The following MYRIP variants were observed in gnomAD, a reference collection of about 807,000 sequenced individuals.
The protein encoded by MYRIP is rab effector MyRIP.
MYRIP carries 49 observed loss-of-function variants against 98.0 expected under a neutral mutation model. The observed-to-expected ratio is 0.50, with a 90% CI of 0.40 to 0.63. The LOEUF (loss-of-function observed/expected upper bound fraction) is 0.63. Among genes scored for constraint, MYRIP ranks in the 30% least tolerant of loss-of-function variants. The probability of loss-of-function intolerance (pLI) is 0.00; values close to 1 mark genes in which losing one functional copy is unlikely to be tolerated. For synonymous variants in MYRIP, 404 were observed against 409.5 expected (o/e 0.99, Z 0.16); for missense variants, 1,004 against 1,058.2 (o/e 0.95, Z 0.71).
At chr3:40,184,490 A>G (rs1357773430) in intron 9 of MYRIP, among the ~76,000 whole-genome samples, 1 of 152,202 alleles carries the variant, frequency 6.6e-6, no homozygotes, top group Non-Finnish European at 1.5e-5. Context: ...TGACTTGTTC[A>G]AGACCCCACA....
At chr3:40,256,535 A>C (rs990316306) in intron 16 of MYRIP, among the ~76,000 whole-genome samples, 14 of 152,156 alleles carry the variant, frequency 9.2e-5, no homozygotes, top group Admixed American at 1.3e-4. Flanking sequence ...GTTATTTGAA[A>C]AAAAAAATAT....
At position 40,188,086 on chromosome 3, in the gene MYRIP, C is replaced by T. The variant is rs1220668085; in HGVS notation, c.1028-1740C>T. On this transcript the variant is annotated intron_variant, in intron 9 of 16. Coordinates refer to ENST00000302541, the MANE Select transcript of MYRIP (RefSeq NM_015460.4). ...CCTGACTCTCAAAATAAAAATAACTCGATGTCCTGCCAGTCTGAGCTGCAG... is the reference window on the plus strand; with the variant it reads ...CCTGACTCTCAAAATAAAAATAACTTGATGTCCTGCCAGTCTGAGCTGCAG... 3.9e-5 allele frequency among the ~76,000 whole-genome samples: 6 copies of T among 152,150 alleles called. No individual in the cohort carries two copies. In the East Asian group the frequency reaches 9.7e-4, roughly 24 times the overall value.
Position 40,260,045 on chromosome 3 carries a change from T to A in MYRIP, c.*1879T>A, listed in dbSNP as rs1169999461. ...TTTATAAAGGTTTCCTTGTGCCAAATAAGTGCAAAGATTTAATTTACTATT... is the reference window on the plus strand; with the variant it reads ...TTTATAAAGGTTTCCTTGTGCCAAAAAAGTGCAAAGATTTAATTTACTATT... On this transcript the variant is annotated 3_prime_UTR_variant, in exon 17 of 17. Transcript: ENST00000302541. 1 of 152,672 alleles carries A rather than the reference T, an allele frequency of 6.5e-6. No individual in the cohort carries two copies. The highest frequency in any genetic ancestry group is 6.5e-5 in the Admixed American group (1 of 15,286). The allele number at this position is 152,672 out of a possible 1,614,324, so 9.5% of individuals were successfully genotyped here. A position where few individuals can be genotyped will look rare whatever the true frequency, so the allele number is the denominator to read the frequency against.
At chr3:39,822,679 T>C (rs1021860644) in intron 1 of MYRIP, among the ~76,000 whole-genome samples, 4 of 152,326 alleles carry the variant, frequency 2.6e-5, no homozygotes, top group South Asian at 2.1e-4. Flanking sequence ...TTAACAATTC[T>C]CTCCCTTTCT....
chr3:40,174,507 C>A (rs1950703671), intron 8 of MYRIP: 1 of 152,202 alleles, frequency 6.6e-6, no homozygotes, highest in South Asian at 2.1e-4. Context: ...CCCAGCGGGT[C>A]CCGGACACAA....
At chr3:40,115,888 G>C (rs888965899) in intron 3 of MYRIP, among the ~76,000 whole-genome samples, 1 of 151,822 alleles carries the variant, frequency 6.6e-6, no homozygotes, top group Non-Finnish European at 1.5e-5. Flanking sequence ...TTCCGTAAGA[G>C]ATCACATATA....
chr3:40,210,844 C>G (rs1242230461), intron 11 of MYRIP, among the ~76,000 whole-genome samples: 1 of 152,118 alleles, frequency 6.6e-6, no homozygotes, highest in Non-Finnish European at 1.5e-5. Flanking sequence ...ATTGTCAGTG[C>G]TCTGCCTGCT....
intron 11 of MYRIP, among the ~76,000 whole-genome samples, chr3:40,222,833 G>T (rs66487055): frequency 2.6e-5 from 4 of 152,022 alleles, no homozygotes; most frequent in Non-Finnish European, 5.9e-5. Flanking sequence ...TAAAAAATCC[G>T]TTTTATTCAA....
intron 2 of MYRIP, among the ~76,000 whole-genome samples, chr3:39,908,333 C>T (rs1029966690): frequency 1.6e-4 from 25 of 152,210 alleles, no homozygotes; most frequent in African/African-American, 2.4e-4. Context: ...GGGAAATAAA[C>T]GCTTTTGAGA....
rs762773563 is a variant in MYRIP, at chr3:40,258,115, G to T, written c.2548-19G>T. On this transcript the variant is annotated intron_variant, in intron 16 of 16. Transcript: ENST00000302541. ...CTTCCCAAGTGGCTGATGGGAGTGT[G>T]TTCAATGTCTCACCTCAGGAGCCTG... is the stretch of plus-strand genomic sequence containing the variant. The T allele has an allele frequency of 1.9e-6, 3 of 1,614,132 alleles. No individual in the cohort carries two copies. The highest frequency in any genetic ancestry group is 1.3e-5 in the African/African-American group (1 of 75,060).
At chr3:39,979,653 AAC>A (rs1945840134) in intron 2 of MYRIP, among the ~76,000 whole-genome samples, 6 of 139,124 alleles carry the variant, frequency 4.3e-5, no homozygotes, top group Non-Finnish European at 4.8e-5. Context: ...ACCAAAACAA[AAC>A]AAAAAAAAAA....
At chr3:39,875,595 T>C (rs1237268408) in intron 1 of MYRIP, among the ~76,000 whole-genome samples, 32 of 151,706 alleles carry the variant, frequency 2.1e-4, no homozygotes, top group African/African-American at 7.5e-4. Context: ...CATTTTGTTA[T>C]GTACCCAGTA....
chr3:40,235,848 A>G (rs925098427), intron 12 of MYRIP, among the ~76,000 whole-genome samples: 1 of 152,156 alleles, frequency 6.6e-6, no homozygotes, highest in African/African-American at 2.4e-5. Flanking sequence ...GGTACTCACA[A>G]TCCATTTCAA....
intron 2 of MYRIP, among the ~76,000 whole-genome samples, chr3:39,995,012 G>T (rs1164219402): frequency 3.3e-5 from 5 of 152,012 alleles, no homozygotes; most frequent in African/African-American, 1.2e-4. Flanking sequence ...AAACAGAAAG[G>T]ACATCCACAC....
At chr3:40,023,850 T>C (rs1947060130) in intron 2 of MYRIP, among the ~76,000 whole-genome samples, 1 of 152,198 alleles carries the variant, frequency 6.6e-6, no homozygotes, top group Admixed American at 6.5e-5. Flanking sequence ...CTGTTCTTTC[T>C]CCTTTTTCAA....
In MYRIP at chr3:40,233,889, T is replaced by A; in HGVS notation, c.1936T>A (p.Ser646Thr). 6.2e-7 allele frequency: 1 copy of A among 1,613,222 alleles called. No homozygotes were observed. Among genetic ancestry groups the A allele is most frequent in the Non-Finnish European group, 8.5e-7 (1 of 1,179,752 alleles). ...TTCTGCTGTTTCTCTCTGCAACATC[T>A]CCACAGAAGTCCTGAAAGTCATCAA... ...KFSAVSLCNISTEVLKVINAT... is the reference protein window; with the variant it reads ...KFSAVSLCNITTEVLKVINAT... The change falls in exon 12 of 17, where the codon TCC (serine) becomes ACC (threonine). Residue 646 changes from serine to threonine, a missense_variant. Around this residue, in one of 3 missense-constraint regions of MYRIP, gnomAD observed 880 missense variants for 907.7 expected, o/e 0.97. Transcript: ENST00000302541.
chr3:39,843,671 G>A (rs1170727264), intron 1 of MYRIP, among the ~76,000 whole-genome samples: 1 of 152,154 alleles, frequency 6.6e-6, no homozygotes, highest in Non-Finnish European at 1.5e-5. Flanking sequence ...CTCAAGTGAT[G>A]GATAACAGTG....
intron 2 of MYRIP, among the ~76,000 whole-genome samples, chr3:39,983,561 T>G (rs1242410715): frequency 6.6e-6 from 1 of 152,180 alleles, no homozygotes; most frequent in Non-Finnish European, 1.5e-5. Context: ...ACTTATTTAT[T>G]CAACAAATAG....
chr3:39,854,520 C>CTGGA (rs755950356), intron 1 of MYRIP, among the ~76,000 whole-genome samples: 31 of 151,970 alleles, frequency 2.0e-4, no homozygotes, highest in Non-Finnish European at 3.8e-4. Context: ...ATCTATTTCC[C>CTGGA]TGGAGCATTT....
Sources: gnomAD v4.1 joint callset for allele counts (sites outside exome capture counted in the v4.1 genomes callset) on GRCh38, gnomAD v4.1.1 for gene constraint, gnomAD v4.1.1 regional missense constraint, MANE v1.5 for transcripts, NCBI Gene and HGNC (gene_info 2026-07-23, HGNC 2026-07-21) for gene names.